The following PRKDC variants were observed in gnomAD, a reference collection of about 807,000 sequenced individuals.
PRKDC encodes DNA-dependent protein kinase catalytic subunit.
In PRKDC, 82 loss-of-function variants were observed where a neutral mutation model predicts 486.9. The ratio of observed to expected loss-of-function variants is 0.17; its 90% CI spans 0.14 to 0.20. The LOEUF (loss-of-function observed/expected upper bound fraction) is 0.20, where lower values mean the gene tolerates loss of function less well. Among genes scored for constraint, PRKDC ranks in the 10% least tolerant of loss-of-function variants. PRKDC has a pLI of 1.00. For synonymous variants in PRKDC, 1,895 were observed against 1,837.0 expected (o/e 1.03, Z -0.81); for missense variants, 4,504 against 5,038.2 (o/e 0.89, Z 3.21).
chr8:47,924,715 TCA>T (rs2090127198), intron 21 of PRKDC, among the ~76,000 whole-genome samples: 1 of 152,042 alleles, frequency 6.6e-6, no homozygotes, highest in East Asian at 1.9e-4. Context: ...TCTCTCTCTC[TCA>T]GTTCTATTTT....
At chr8:47,795,705 CTGGTCT>C (rs1339662726) in intron 73 of PRKDC, among the ~76,000 whole-genome samples, 1 of 150,966 alleles carries the variant, frequency 6.6e-6, no homozygotes, top group African/African-American at 2.4e-5. Flanking sequence ...GTTGGCCAGA[CTGGTCT>C]TGAACTCCTG....
intron 68 of PRKDC, among the ~76,000 whole-genome samples, chr8:47,815,060 A>C (rs2087415115): frequency 6.6e-6 from 1 of 152,108 alleles, no homozygotes; most frequent in Non-Finnish European, 1.5e-5. Context: ...CAGCTACTTG[A>C]GAGGCTGAAG....
At position 47,830,705 on chromosome 8, in the gene PRKDC, T is replaced by C; in HGVS notation, c.8297A>G (p.Asp2766Gly). ...GCTTCTGTACAGAACGACCTGGGCATCCTGCTTCATTTTTAACTCACTCTT... is the reference window on the plus strand; with the variant it reads ...GCTTCTGTACAGAACGACCTGGGCACCCTGCTTCATTTTTAACTCACTCTT... ...EIKSELKMKQ[D>G]AQVVLYRSYR... is the part of the protein sequence containing the mutation. The change falls in exon 61 of 86, where the codon GAT (aspartate) becomes GGT (glycine). Residue 2766 changes from aspartate to glycine, a missense_variant. Transcript: ENST00000314191. The C allele has an allele frequency of 1.2e-6, 2 of 1,613,944 alleles. No homozygotes were observed. The highest frequency in any genetic ancestry group is 1.7e-6 in the Non-Finnish European group (2 of 1,179,886).
At chr8:47,859,810 G>C (rs1000101325) in intron 45 of PRKDC, 51 bp from the exon 46 acceptor site, 2 of 1,486,700 alleles carry the variant, frequency 1.3e-6, no homozygotes, top group Non-Finnish European at 1.8e-6. Context: ...TAATTAGTAA[G>C]AAATGTATTT....
At chr8:47,776,798 A>G in intron 85 of PRKDC, 46 bp downstream of exon 85, 1 of 1,606,542 alleles carries the variant, frequency 6.2e-7, no homozygotes, top group Middle Eastern at 1.7e-4. Flanking sequence ...GAGAAACAGT[A>G]GCATGTCGGT....
chr8:47,887,052 A>G (rs2089349912), intron 35 of PRKDC, among the ~76,000 whole-genome samples: 1 of 152,204 alleles, frequency 6.6e-6, no homozygotes, highest in African/African-American at 2.4e-5. Context: ...TTTCTGCTAC[A>G]GAAGAAAGAA....
At chr8:47,923,438 T>C (rs919972323) in intron 21 of PRKDC, among the ~76,000 whole-genome samples, 1 of 152,188 alleles carries the variant, frequency 6.6e-6, no homozygotes, top group Admixed American at 6.5e-5. Context: ...GACTTCACTG[T>C]CTGAAAAAGG....
At chr8:47,956,358 T>C (rs1450462185) in intron 3 of PRKDC, among the ~76,000 whole-genome samples, 4 of 151,820 alleles carry the variant, frequency 2.6e-5, no homozygotes, top group African/African-American at 9.7e-5. Flanking sequence ...CGGGACTCTG[T>C]GGTTCACGCC....
intron 25 of PRKDC, among the ~76,000 whole-genome samples, chr8:47,910,135 G>C (rs1275727801): frequency 3.3e-5 from 5 of 152,080 alleles, no homozygotes; most frequent in Non-Finnish European, 5.9e-5. Flanking sequence ...TTCTCAGACC[G>C]GCCGACACTT....
Position 47,931,913 on chromosome 8 carries a change from T to C in PRKDC, c.1776+1107A>G, listed in dbSNP as rs564770890. Among the ~76,000 whole-genome samples the C allele has an allele frequency of 9.2e-5, 14 of 152,226 alleles. No individual in the cohort carries two copies. In the East Asian group the frequency reaches 2.5e-3, roughly 27 times the overall value. On this transcript the variant is annotated intron_variant, in intron 16 of 85. Transcript: ENST00000314191. ...GACTTATCCTTTTGTTTTTTTGAGA[T>C]GGAGTCTCACTCTGTCACCCAGGCT...
rs947432131 is a variant in PRKDC, at chr8:47,827,122, A to T, written c.8578-261T>A. Among the ~76,000 whole-genome samples the T allele has an allele frequency of 3.7e-5, 3 of 81,944 alleles. No individual in the cohort carries two copies. In the East Asian group the frequency reaches 1.1e-3, roughly 30 times the overall value. 53.8% of individuals were successfully genotyped at this position (81,944 alleles called of 152,430 possible). A position where few individuals can be genotyped will look rare whatever the true frequency, so the allele number is the denominator to read the frequency against. ...GCACCTATCAAAATATGAAGATCAC[A>T]CACACACACACACACACACACACAC... On this transcript the variant is annotated intron_variant, in intron 62 of 85. Coordinates refer to ENST00000314191, the MANE Select transcript of PRKDC (RefSeq NM_006904.7).
chr8:47,858,569 C>G lies in PRKDC; in HGVS notation c.6412G>C (p.Val2138Leu), dbSNP rs1359022448. 2 of 1,556,622 alleles carry G rather than the reference C, an allele frequency of 1.3e-6. No individual in the cohort carries two copies. The highest frequency in any genetic ancestry group is 2.3e-5 in the East Asian group (1 of 44,228). The change falls in exon 48 of 86, where the codon GTA becomes CTA. Residue 2138 changes from valine (V) to leucine (L), a missense_variant. Val to Leu is a conservative substitution (Grantham distance 32). This residue lies in a region of PRKDC where 1,592 missense variants were observed against 1,724.6 expected (regional missense o/e 0.92). Transcript: ENST00000314191. ...AAGAAGAGACGGATATTTAATGGTA[C>G]TATTGGATTTCCCAGTTTGCCATGG... ...FLHGKLGNPIVPLNIRLFLAK... is the reference protein window; with the variant it reads ...FLHGKLGNPILPLNIRLFLAK...
rs897551896 is a variant in PRKDC, at chr8:47,773,618, AG to A, written c.*554del. On this transcript the variant is annotated 3_prime_UTR_variant, in exon 86 of 86. Transcript: ENST00000314191. Reference sequence around the variant, plus strand: ...AGAATAAAATGAAAGGAAAAAACCTAGAAAAATATCCTAAAATATCAAATGC... The same window carrying A: ...AGAATAAAATGAAAGGAAAAAACCTAAAAAATATCCTAAAATATCAAATGC... 6 of 220,766 alleles carry A rather than the reference AG, an allele frequency of 2.7e-5. No homozygotes were observed. Among genetic ancestry groups the A allele is most frequent in the African/African-American group, 1.3e-4 (6 of 44,882 alleles). The allele number at this position is 220,766 out of a possible 1,614,324, so 13.7% of individuals were successfully genotyped here.
At chr8:47,806,848 A>T (rs2087223585) in intron 69 of PRKDC, among the ~76,000 whole-genome samples, 1 of 152,170 alleles carries the variant, frequency 6.6e-6, no homozygotes, top group African/African-American at 2.4e-5. Context: ...GAGAGTTTTG[A>T]ATAAGTGCTC....
chr8:47,914,475 A>G (rs981771099), intron 23 of PRKDC, among the ~76,000 whole-genome samples: 1 of 152,206 alleles, frequency 6.6e-6, no homozygotes, highest in Non-Finnish European at 1.5e-5. Flanking sequence ...AAAAATACAG[A>G]GGAATTTTTA....
intron 52 of PRKDC, among the ~76,000 whole-genome samples, chr8:47,850,230 C>A (rs1413946315): frequency 6.6e-6 from 1 of 152,192 alleles, no homozygotes; most frequent in Non-Finnish European, 1.5e-5. Flanking sequence ...TCCTTCCTCA[C>A]AAACATCAGA....
intron 27 of PRKDC, among the ~76,000 whole-genome samples, chr8:47,902,037 CCT>C (rs1345937990): frequency 6.6e-6 from 1 of 152,186 alleles, no homozygotes; most frequent in East Asian, 1.9e-4. Flanking sequence ...CTCCACAGAT[CCT>C]CTGTCACTAG....
intron 1 of PRKDC, among the ~76,000 whole-genome samples, chr8:47,957,866 G>A (rs1327709401): frequency 6.6e-6 from 1 of 152,136 alleles, no homozygotes; most frequent in Non-Finnish European, 1.5e-5. Flanking sequence ...ACTAACCCAA[G>A]GTTGCTGTAT....
At chr8:47,832,959 C>T (rs1350058483) in intron 59 of PRKDC, among the ~76,000 whole-genome samples, 3 of 152,198 alleles carry the variant, frequency 2.0e-5, no homozygotes, top group Non-Finnish European at 4.4e-5. Context: ...CCAGGCCTGG[C>T]GCCCGCAGCC....
Sources: allele counts gnomAD v4.1 joint callset (sites outside exome capture counted in the v4.1 genomes callset), GRCh38; gene constraint gnomAD v4.1.1; regional missense constraint gnomAD v4.1.1; transcripts MANE v1.5; gene names NCBI Gene and HGNC (gene_info 2026-07-23, HGNC 2026-07-21).